GPC3: variants seen among roughly 807,000 people sequenced by gnomAD.
The protein encoded by GPC3 is glypican 3.
Under a neutral mutation model 34.4 loss-of-function variants are expected in GPC3, and 3 were observed. That is an observed-to-expected ratio of 0.09 (90% confidence interval 0.04 to 0.23). The LOEUF (loss-of-function observed/expected upper bound fraction) is 0.23, where lower values mean the gene tolerates loss of function less well. Ranked by LOEUF, GPC3 falls within the 10% of genes least tolerant of loss-of-function variation. The probability of loss-of-function intolerance (pLI) is 1.00; values close to 1 mark genes in which losing one functional copy is unlikely to be tolerated. For synonymous variants in GPC3, 177 were observed against 174.0 expected (o/e 1.02, Z -0.13); for missense variants, 351 against 445.6 (o/e 0.79, Z 1.91).
chrX:133,734,203 C>T (rs1282953855), intron 3 of GPC3, among the ~76,000 whole-genome samples: 14 of 111,475 alleles, frequency 1.3e-4, no homozygotes, highest in African/African-American at 3.9e-4. Flanking sequence ...CATGACCAGG[C>T]GAGATTTATC....
intron 5 of GPC3, among the ~76,000 whole-genome samples, chrX:133,691,115 C>A (rs1357480494): frequency 1.8e-5 from 2 of 111,796 alleles, no homozygotes; most frequent in African/African-American, 6.5e-5. Context: ...TCAGTAAATA[C>A]CTGCTGAATA....
chrX:133,553,729 C>A (rs1466716526), intron 7 of GPC3, among the ~76,000 whole-genome samples: 1 of 111,608 alleles, frequency 9.0e-6, no homozygotes, highest in Admixed American at 9.5e-5. Context: ...TCAATGGATT[C>A]TTTTTTTCCA....
At chrX:133,900,174 T>C (rs991170945) in intron 2 of GPC3, among the ~76,000 whole-genome samples, 4 of 112,615 alleles carry the variant, frequency 3.6e-5, no homozygotes, top group African/African-American at 1.3e-4. Context: ...AACTGGCCTA[T>C]AGGAGCAGGC....
At chrX:133,844,016 T>C (rs2075836937) in intron 2 of GPC3, among the ~76,000 whole-genome samples, 1 of 111,586 alleles carries the variant, frequency 9.0e-6, no homozygotes, top group Non-Finnish European at 1.9e-5. Context: ...AAAAGAGTAA[T>C]CAACATGTCT....
intron 2 of GPC3, among the ~76,000 whole-genome samples, chrX:133,880,021 C>A (rs2076034701): frequency 9.0e-6 from 1 of 111,295 alleles, no homozygotes; most frequent in African/African-American, 3.3e-5. Flanking sequence ...TAGGAGACAG[C>A]ACTGTAAAAG....
At chrX:133,947,660 C>A (rs1009320214) in intron 2 of GPC3, among the ~76,000 whole-genome samples, 2 of 111,793 alleles carry the variant, frequency 1.8e-5, no homozygotes, top group African/African-American at 3.3e-5. Flanking sequence ...ACTTTGTAAC[C>A]AAAATATGCC....
intron 2 of GPC3, among the ~76,000 whole-genome samples, chrX:133,895,416 A>AC (rs964829706): frequency 9.1e-6 from 1 of 110,022 alleles, no homozygotes; most frequent in African/African-American, 3.3e-5. Flanking sequence ...CTGAATCTCC[A>AC]CCCCCCGTCC....
At chrX:133,760,664 G>C (rs758238138) in intron 2 of GPC3, among the ~76,000 whole-genome samples, 2 of 111,502 alleles carry the variant, frequency 1.8e-5, no homozygotes, top group African/African-American at 6.5e-5. Context: ...GGGATTTTAG[G>C]GTGGTGAAAC....
At chrX:133,683,915 T>C (rs1188998223) in intron 5 of GPC3, among the ~76,000 whole-genome samples, 2 of 112,014 alleles carry the variant, frequency 1.8e-5, no homozygotes, top group East Asian at 2.8e-4. Context: ...TCTAAGTCCA[T>C]AGAGAGATTA....
At chrX:133,981,114 T>A (rs1476690895) in intron 1 of GPC3, among the ~76,000 whole-genome samples, 1 of 112,692 alleles carries the variant, frequency 8.9e-6, no homozygotes, top group South Asian at 3.7e-4. Context: ...GGCGGCCCTA[T>A]TAAGAGACTT....
At chrX:133,537,318 C>CTGG (rs2069303030) in intron 7 of GPC3, among the ~76,000 whole-genome samples, 1 of 112,064 alleles carries the variant, frequency 8.9e-6, no homozygotes, top group Non-Finnish European at 1.9e-5. Context: ...AGCCAACTGT[C>CTGG]TGGTAGCCAA....
chrX:133,953,019 C>T, intron 2 of GPC3, 31 bp downstream of exon 2: 1 of 1,164,021 alleles, frequency 8.6e-7, no homozygotes, highest in Non-Finnish European at 1.2e-6. Flanking sequence ...TGCCACTAAG[C>T]AGCACATCTA....
At chrX:133,623,269 C>G (rs1164844283) in intron 6 of GPC3, among the ~76,000 whole-genome samples, 1 of 111,751 alleles carries the variant, frequency 8.9e-6, no homozygotes, top group African/African-American at 3.3e-5. Context: ...GCAAAATAAC[C>G]AGATAACATC....
chrX:133,795,979 T>A (rs2075577836), intron 2 of GPC3, among the ~76,000 whole-genome samples: 1 of 99,730 alleles, frequency 1.0e-5, no homozygotes, highest in Non-Finnish European at 2.0e-5. Context: ...GGAGTCTCGC[T>A]TTGTCCCCCA....
intron 2 of GPC3, among the ~76,000 whole-genome samples, chrX:133,948,409 CAGA>C (rs932761622): frequency 4.5e-5 from 5 of 110,530 alleles, no homozygotes; most frequent in Admixed American, 9.7e-5. Context: ...AGAGAAACAA[CAGA>C]AGAAGCACAG....
At chrX:133,727,315 G>A (rs777913504) in intron 3 of GPC3, among the ~76,000 whole-genome samples, 3 of 111,026 alleles carry the variant, frequency 2.7e-5, no homozygotes, top group Non-Finnish European at 3.8e-5. Flanking sequence ...GGAGGCTGAG[G>A]TGGGTGGATC....
chrX:133,787,707 TG>T (rs1347269381), intron 2 of GPC3, among the ~76,000 whole-genome samples: 1 of 111,617 alleles, frequency 9.0e-6, no homozygotes, highest in Non-Finnish European at 1.9e-5. Flanking sequence ...ATCTAGCTTC[TG>T]GCCCCACCTC....
At chrX:133,687,390 T>G (rs1393174283) in intron 5 of GPC3, among the ~76,000 whole-genome samples, 20 of 77,190 alleles carry the variant, frequency 2.6e-4, no homozygotes, top group African/African-American at 8.1e-4. Context: ...AGAGTTTTTT[T>G]TTTTTTTTTT....
intron 2 of GPC3, among the ~76,000 whole-genome samples, chrX:133,810,671 C>T (rs1318781625): frequency 5.5e-5 from 6 of 109,283 alleles, no homozygotes; most frequent in East Asian, 2.9e-4. Flanking sequence ...TTTGGGAGGC[C>T]GAGGCGGGTG....
Sources: allele counts gnomAD v4.1 joint callset (sites outside exome capture counted in the v4.1 genomes callset), GRCh38; gene constraint gnomAD v4.1.1; transcripts MANE v1.5; gene names NCBI Gene and HGNC (gene_info 2026-07-23, HGNC 2026-07-21).